DIDO1: variants seen among roughly 807,000 people sequenced by gnomAD.
DIDO1 encodes death-inducer obliterator 1.
DIDO1 carries 16 observed loss-of-function variants against 99.4 expected under a neutral mutation model. The ratio of observed to expected loss-of-function variants is 0.16; its 90% CI spans 0.11 to 0.24. The LOEUF is 0.24. Ranked by LOEUF, DIDO1 falls within the 10% of genes least tolerant of loss-of-function variation. The pLI is 1.00. For missense variants in DIDO1, 2,996 were observed against 3,014.0 expected, an observed-to-expected ratio of 0.99 and a Z score of 0.14; for synonymous variants, 1,366 against 1,239.1, an observed-to-expected ratio of 1.10 and a Z score of -2.15.
chr20:62,892,337 T>C (rs1342648098), intron 13 of DIDO1, among the ~76,000 whole-genome samples: 1 of 152,244 alleles, frequency 6.6e-6, no homozygotes, highest in Non-Finnish European at 1.5e-5. Context: ...TTTACGTACA[T>C]ACACAGAGAG....
At chr20:62,904,159 C>T (rs1048585437) in intron 6 of DIDO1, among the ~76,000 whole-genome samples, 6 of 152,316 alleles carry the variant, frequency 3.9e-5, no homozygotes, top group Non-Finnish European at 8.8e-5. Context: ...TTCTTTTCTT[C>T]ACTGTTATGT....
chr20:62,896,863 A>G lies in DIDO1; in HGVS notation c.1722T>C (p.Ala574=). Residue 574 remains alanine (A), a synonymous_variant, in exon 7 of 16, where the codon GCT becomes GCC. Transcript: ENST00000395343. The surrounding 1 kb of genome is among the most constrained non-coding windows in gnomAD (Gnocchi z 4.4). ...RNLVPKKSSF[A]NVAAATPAIK... ...TGGCTGGTGTGGCTGCTGCCACATT[A>G]GCAAAAGAAGACTTCTTTGGCACGA... The G allele has an allele frequency of 6.2e-7, 1 of 1,614,132 alleles. No individual in the cohort carries two copies. Among genetic ancestry groups the G allele is most frequent in the Non-Finnish European group, 8.5e-7 (1 of 1,180,046 alleles).
chr20:62,895,252 G>T, intron 8 of DIDO1, 87 bp from the exon 9 acceptor site: 3 of 1,262,434 alleles, frequency 2.4e-6, no homozygotes, highest in Non-Finnish European at 2.3e-6. Context: ...CTGCCCAGAA[G>T]TTTAGCGGGC....
At position 62,879,837 on chromosome 20, in the gene DIDO1, C is replaced by G. The variant is rs143474883; in HGVS notation, c.6119G>C (p.Arg2040Pro). Reference protein sequence around the residue: ...PSHPPQHRKDRWEEAGPPSAL... With the variant: ...PSHPPQHRKDPWEEAGPPSAL... ...GGAGGGCGGCCCGGCCTCCTCCCAG[C>G]GGTCCTTCCGGTGCTGCGGGGGGTG... The change falls in exon 16 of 16, where the codon CGC becomes CCC. Residue 2040 changes from arginine to proline, a missense_variant. Transcript: ENST00000395343. This position sits in a 1 kb window ranked among gnomAD's most constrained non-coding sequence, Gnocchi z 6.3. The G allele has an allele frequency of 1.9e-6, 3 of 1,605,326 alleles. No individual in the cohort carries two copies. The African/African-American group carries it at 4.0e-5, about 22-fold the overall frequency.
intron 6 of DIDO1, among the ~76,000 whole-genome samples, chr20:62,903,487 C>T (rs1028066787): frequency 4.1e-4 from 62 of 152,290 alleles, no homozygotes; most frequent in African/African-American, 1.4e-3. Context: ...GGGCGAGCTC[C>T]GTGGCCAGCC....
chr20:62,884,001 C>A (rs2064255196), intron 15 of DIDO1, among the ~76,000 whole-genome samples: 1 of 152,030 alleles, frequency 6.6e-6, no homozygotes, highest in Non-Finnish European at 1.5e-5. Flanking sequence ...GTGAGACTCT[C>A]TTGGAAAAAA....
Position 62,881,235 on chromosome 20 carries a change from T to TCCCCCC in DIDO1, c.4720_4721insGGGGGG (p.Gly1573_Glu1574insGlyGly). 6.2e-7 allele frequency: 1 copy of TCCCCCC among 1,601,034 alleles called. No homozygotes were observed. Among genetic ancestry groups the TCCCCCC allele is most frequent in the Non-Finnish European group, 8.5e-7 (1 of 1,176,724 alleles). ...CGAGAGCCTGGAGAGAGGCTCCCCC[T>TCCCCCC]CCCCCTCACCGGTCTCAGTGGCCAG... On this transcript the variant is annotated inframe_insertion, in exon 16 of 16. Transcript: ENST00000395343. This position sits in a 1 kb window ranked among gnomAD's most constrained non-coding sequence, Gnocchi z 8.3.
chr20:62,919,104 G>C (rs931599401), intron 1 of DIDO1, among the ~76,000 whole-genome samples: 6 of 152,214 alleles, frequency 3.9e-5, no homozygotes, highest in African/African-American at 1.4e-4. Flanking sequence ...AAACAGGAAA[G>C]AGATTTGGGC....
At position 62,911,143 on chromosome 20, in the gene DIDO1, T is replaced by C; in HGVS notation, c.470A>G (p.Asp157Gly). 1 of 1,614,130 alleles carries C rather than the reference T, an allele frequency of 6.2e-7. No individual in the cohort carries two copies. Among genetic ancestry groups the C allele is most frequent in the Non-Finnish European group, 8.5e-7 (1 of 1,180,050 alleles). ...DHDDTSDSDSDGLTLKELQNR... is the reference protein window; with the variant it reads ...DHDDTSDSDSGGLTLKELQNR... ...CTGAAGCTCTTTCAAGGTCAGGCCA[T>C]CGCTGTCACTATCGGAGGTGTCATC... Residue 157 changes from aspartate to glycine, a missense_variant, in exon 3 of 16, where the codon GAT becomes GGT. By Grantham distance (94) the Asp-to-Gly change is moderately conservative (BLOSUM62 -1). Around this residue, in one of 5 missense-constraint regions of DIDO1, gnomAD observed 388 missense variants for 376.6 expected, o/e 1.03. Transcript: ENST00000395343. This position sits in a 1 kb window ranked among gnomAD's most constrained non-coding sequence, Gnocchi z 7.0.
In DIDO1 at chr20:62,880,077, C is replaced by T. The variant is rs1480257915; in HGVS notation, c.5879G>A (p.Arg1960Lys). 1 of 1,611,966 alleles carries T rather than the reference C, an allele frequency of 6.2e-7. No individual in the cohort carries two copies. Among genetic ancestry groups the T allele is most frequent in the East Asian group, 2.2e-5 (1 of 44,890 alleles). The stretch of plus-strand genomic sequence containing the variant: ...TTCGAACTGCTGAGGCTGAATGCCC[C>T]TGGGACCTGGCATAAAGTTAGGCGC... The part of the protein sequence containing the change: ...GQAPNFMPGP[R>K]GIQPQQFEDQ... The change falls in exon 16 of 16, where the codon AGG (arginine) becomes AAG (lysine). Residue 1960 changes from arginine (R) to lysine (K), a missense_variant. Arg to Lys is a conservative substitution (Grantham distance 26). Coordinates refer to ENST00000395343, the MANE Select transcript of DIDO1 (RefSeq NM_001193369.2).
intron 1 of DIDO1, among the ~76,000 whole-genome samples, chr20:62,931,917 C>T (rs1158602323): frequency 6.6e-6 from 1 of 152,174 alleles, no homozygotes; most frequent in African/African-American, 2.4e-5. Context: ...AAATTAATTC[C>T]TGCTCTTGCT....
At chr20:62,904,562 CAT>C (rs1185584090) in intron 6 of DIDO1, among the ~76,000 whole-genome samples, 2 of 152,078 alleles carry the variant, frequency 1.3e-5, no homozygotes, top group Non-Finnish European at 2.9e-5. Flanking sequence ...GGGCAGATCA[CAT>C]GAGGCCAGGA....
chr20:62,897,830 T>C (rs2064571896), intron 6 of DIDO1, among the ~76,000 whole-genome samples: 1 of 152,260 alleles, frequency 6.6e-6, no homozygotes, highest in African/African-American at 2.4e-5. Context: ...AGGGGACAGA[T>C]GGCCAGGGGA....
At chr20:62,920,995 G>A (rs2065125777) in intron 1 of DIDO1, among the ~76,000 whole-genome samples, 1 of 152,210 alleles carries the variant, frequency 6.6e-6, no homozygotes, top group Non-Finnish European at 1.5e-5. Flanking sequence ...CTGGGTTCAA[G>A]GGATTCTCCT....
intron 2 of DIDO1, among the ~76,000 whole-genome samples, chr20:62,913,557 A>G (rs1357202988): frequency 6.6e-6 from 1 of 152,258 alleles, no homozygotes; most frequent in East Asian, 1.9e-4. Flanking sequence ...CTCATTGGAA[A>G]TTTTACATTT....
In DIDO1 at chr20:62,891,271, C is replaced by T. The variant is rs988945368; in HGVS notation, c.3346-116G>A. On this transcript the variant is annotated intron_variant, in intron 14 of 15. Transcript: ENST00000395343. ...GTCAGATCTCTCCGACTCACAGCCA[C>T]GATCTCACAGAGCTGCTGTCTCAGT... 6.6e-5 allele frequency: 98 copies of T among 1,496,068 alleles called. 1 individual carries two copies. In the Admixed American group the frequency reaches 1.5e-3, roughly 22 times the overall value. The allele number at this position is 1,496,068 out of a possible 1,614,324, so 92.7% of individuals were successfully genotyped here. A position where few individuals can be genotyped will look rare whatever the true frequency, so the allele number is the denominator to read the frequency against.
rs6122084 is a variant in DIDO1, at chr20:62,907,692, T to C, written c.1162-333A>G. Among the ~76,000 whole-genome samples, 107 of 152,352 alleles carry C rather than the reference T, an allele frequency of 7.0e-4. 1 individual carries two copies. The East Asian group carries it at 0.018, about 26-fold the overall frequency. ...ATGAGGCTCCGCTAGAGGACCCACA[T>C]GCAGGGCTTCTTCAGATGTAATTAA... On this transcript the variant is annotated intron_variant, in intron 4 of 15. Transcript: ENST00000395343.
At position 62,894,868 on chromosome 20, in the gene DIDO1, G is replaced by A; in HGVS notation, c.2378C>T (p.Ala793Val). The A allele has an allele frequency of 6.2e-7, 1 of 1,614,148 alleles. No individual in the cohort carries two copies. Among genetic ancestry groups the A allele is most frequent in the Non-Finnish European group, 8.5e-7 (1 of 1,180,038 alleles). The change falls in exon 10 of 16, where the codon GCC becomes GTC. Residue 793 changes from alanine to valine, a missense_variant. Physicochemically the swap from Ala to Val is moderately conservative, Grantham distance 64. This residue lies in a region of DIDO1 where 898 missense variants were observed against 972.7 expected (regional missense o/e 0.92). Transcript: ENST00000395343. The surrounding 1 kb of genome is among the most constrained non-coding windows in gnomAD (Gnocchi z 4.4). Reference protein sequence around the residue: ...TKLHNESKKTAPRQEAIPDLE... With the variant: ...TKLHNESKKTVPRQEAIPDLE... ...ATCGGGGATGGCCTCCTGCCTGGGG[G>A]CCGTCTTCTTGCTTTCATTGTGCAG...
chr20:62,910,039 G>A lies in DIDO1; in HGVS notation c.840-19C>T, dbSNP rs369827340. Reference sequence around the variant, plus strand: ...CATAAACCTGAAATTATAAAATAACGGTATTAGCAATGGGACGTGAGTGAC... The same window carrying A: ...CATAAACCTGAAATTATAAAATAACAGTATTAGCAATGGGACGTGAGTGAC... On this transcript the variant is annotated intron_variant, in intron 3 of 15. Transcript: ENST00000395343. 1.4e-5 allele frequency: 23 copies of A among 1,595,592 alleles called. No homozygotes were observed. Among genetic ancestry groups the A allele is most frequent in the East Asian group, 6.7e-5 (3 of 44,682 alleles).
Sources: gnomAD v4.1 joint callset for allele counts (sites outside exome capture counted in the v4.1 genomes callset) on GRCh38, gnomAD v4.1.1 for gene constraint, gnomAD v4.1.1 regional missense constraint, Gnocchi (gnomAD v3.1) non-coding constraint, MANE v1.5 for transcripts, NCBI Gene and HGNC (gene_info 2026-07-23, HGNC 2026-07-21) for gene names.